Variants in PMFBP1 observed in about 807,000 individuals in gnomAD.
The protein encoded by PMFBP1 is polyamine-modulated factor 1-binding protein 1.
PMFBP1 carries 131 observed loss-of-function variants against 137.8 expected under a neutral mutation model. The observed-to-expected ratio is 0.95, with a 90% CI of 0.82 to 1.10. The LOEUF (loss-of-function observed/expected upper bound fraction) is 1.10. PMFBP1 is among the 50% of genes least tolerant of loss of function. PMFBP1 has a pLI of 0.00. For missense variants in PMFBP1, 1,199 were observed against 1,175.4 expected (o/e 1.02, Z -0.29); for synonymous variants, 490 against 450.4 (o/e 1.09, Z -1.11).
chr16:72,132,626 C>G, intron 10 of PMFBP1, 122 bp downstream of exon 10: 2 of 1,479,506 alleles, frequency 1.4e-6, no homozygotes, highest in Non-Finnish European at 1.8e-6. Context: ...CTGAGAAGGT[C>G]TGCAGTGAGA....
At chr16:72,242,653 T>C in the PMFBP1 span, among the ~76,000 whole-genome samples, 1 of 152,222 alleles carries the variant, frequency 6.6e-6, no homozygotes, top group Non-Finnish European at 1.5e-5. Flanking sequence ...GTTTCCGAAC[T>C]AGAACGTTCA....
At chr16:72,217,433 G>C in the PMFBP1 span, among the ~76,000 whole-genome samples, 1 of 152,088 alleles carries the variant, frequency 6.6e-6, no homozygotes, top group Non-Finnish European at 1.5e-5. Flanking sequence ...CTTCTTTGCT[G>C]AATCAGTTAA....
At position 72,119,374 on chromosome 16, in the gene PMFBP1, A is replaced by T. The variant is rs1286029751; in HGVS notation, c.3008-20T>A. ...AGGAACCTGAGGGAACAGGGAGGAA[A>T]TGAGAGTTTTGATTCGAGGAGAAAT... is the stretch of plus-strand genomic sequence containing the variant. On this transcript the variant is annotated intron_variant, in intron 20 of 20. Transcript: ENST00000237353. 6.2e-7 allele frequency: 1 copy of T among 1,613,912 alleles called. No individual in the cohort carries two copies. Among genetic ancestry groups the T allele is most frequent in the Non-Finnish European group, 8.5e-7 (1 of 1,179,936 alleles).
In PMFBP1 at chr16:72,119,901, A is replaced by G. The variant is rs868219663; in HGVS notation, c.2957T>C (p.Met986Thr). The change falls in exon 20 of 21, where the codon ATG becomes ACG. Residue 986 changes from methionine to threonine, a missense_variant. Met to Thr is a moderately conservative substitution (Grantham distance 81). Coordinates refer to ENST00000237353, the MANE Select transcript of PMFBP1 (RefSeq NM_031293.3). ...CTTGGTGAGGTCCATTCTTTGACCC[A>G]TATCCTGGGGCAACCCCTTCCAGCC... is the stretch of plus-strand genomic sequence containing the variant. ...TLGWKGLPQD[M>T]GQRMDLTKYI... The G allele has an allele frequency of 2.5e-6, 4 of 1,614,048 alleles. No homozygotes were observed. The highest frequency in any genetic ancestry group is 2.7e-5 in the African/African-American group (2 of 74,902).
intron 5 of PMFBP1, among the ~76,000 whole-genome samples, chr16:72,144,027 G>C (rs549289744): frequency 6.6e-6 from 1 of 151,798 alleles, no homozygotes; most frequent in African/African-American, 2.4e-5. Flanking sequence ...GGCAACAAGA[G>C]CGAAACTCCA....
the PMFBP1 span, among the ~76,000 whole-genome samples, chr16:72,226,340 A>C: frequency 6.6e-6 from 1 of 152,160 alleles, no homozygotes; most frequent in Non-Finnish European, 1.5e-5. Context: ...TATTCTCTTA[A>C]GCTAATGTGC....
At chr16:72,144,929 G>C (rs1049061383) in intron 5 of PMFBP1, among the ~76,000 whole-genome samples, 1 of 152,086 alleles carries the variant, frequency 6.6e-6, no homozygotes, top group Non-Finnish European at 1.5e-5. Context: ...TACAATAATA[G>C]TGGGAGACTT....
chr16:72,173,780 G>A (rs1456851908), upstream of PMFBP1: 1 of 152,264 alleles, frequency 6.6e-6, no homozygotes, highest in Non-Finnish European at 1.5e-5. Context: ...AGTGCTGTCT[G>A]ACTGAGGAGT....
chr16:72,187,141 A>C, the PMFBP1 span, among the ~76,000 whole-genome samples: 2 of 151,930 alleles, frequency 1.3e-5, no homozygotes. Flanking sequence ...TAAAAAAATA[A>C]TAAAAGCAAG....
chr16:72,201,674 C>T, the PMFBP1 span, among the ~76,000 whole-genome samples: 3 of 152,316 alleles, frequency 2.0e-5, no homozygotes, highest in East Asian at 1.9e-4. Flanking sequence ...TATTCAATCA[C>T]AACATTTACC....
chr16:72,126,284 T>C (rs2042457350), intron 14 of PMFBP1, 152 bp from the exon 15 acceptor site: 10 of 815,716 alleles, frequency 1.2e-5, no homozygotes, highest in Non-Finnish European at 1.5e-5. Context: ...ACTTCACCAC[T>C]GTAAAAGGTA....
At chr16:72,129,256 G>A in intron 12 of PMFBP1, 23 bp from the exon 13 acceptor site, 1 of 1,605,174 alleles carries the variant, frequency 6.2e-7, no homozygotes, top group Non-Finnish European at 8.5e-7. Context: ...AGACTGAGCT[G>A]AAAGACTGTC....
In PMFBP1 at chr16:72,130,630, C is replaced by T; in HGVS notation, c.1540G>A (p.Asp514Asn). The T allele has an allele frequency of 6.2e-7, 1 of 1,613,940 alleles. No homozygotes were observed. The highest frequency in any genetic ancestry group is 1.7e-5 in the Admixed American group (1 of 60,008). ...TGGATGGTGTCTGCCTTCTGCTTGT[C>T]CAGGAGGAGACCCTTCTGCAGTTTC... ...QRKLQKGLLLDKQKADTIQEL... is the reference protein window; with the variant it reads ...QRKLQKGLLLNKQKADTIQEL... The change falls in exon 11 of 21, where the codon GAC becomes AAC. Residue 514 changes from aspartate (D) to asparagine (N), a missense_variant. Asp to Asn is a conservative substitution (Grantham distance 23, BLOSUM62 1). Coordinates refer to ENST00000237353, the MANE Select transcript of PMFBP1 (RefSeq NM_031293.3).
intron 2 of PMFBP1, among the ~76,000 whole-genome samples, chr16:72,165,708 G>A (rs557112507): frequency 3.6e-4 from 55 of 152,122 alleles, no homozygotes; most frequent in East Asian, 2.7e-3. Context: ...ATGAGCCACC[G>A]TGCCTGGCCA....
upstream of PMFBP1, among the ~76,000 whole-genome samples, chr16:72,175,896 A>G (rs1021621495): frequency 6.6e-6 from 1 of 152,210 alleles, no homozygotes; most frequent in Admixed American, 6.5e-5. Context: ...CTTATTGTAT[A>G]CTAATTATTT....
chr16:72,139,007 T>C (rs776339533), intron 7 of PMFBP1, among the ~76,000 whole-genome samples: 3 of 151,694 alleles, frequency 2.0e-5, no homozygotes, highest in Non-Finnish European at 4.4e-5. Flanking sequence ...GGAGGCTAGA[T>C]GGTCCTTTTG....
chr16:72,213,420 T>A, the PMFBP1 span, among the ~76,000 whole-genome samples: 9 of 152,182 alleles, frequency 5.9e-5, no homozygotes, highest in Non-Finnish European at 1.3e-4. Flanking sequence ...CTTGCTCTGA[T>A]GAAGCCAGCC....
intron 3 of PMFBP1, among the ~76,000 whole-genome samples, chr16:72,160,892 G>C (rs191949429): frequency 6.6e-6 from 1 of 152,114 alleles, no homozygotes; most frequent in African/African-American, 2.4e-5. Flanking sequence ...CAAACTTTGA[G>C]CTGAATTGCA....
At chr16:72,164,182 G>T (rs1249388914) in intron 3 of PMFBP1, among the ~76,000 whole-genome samples, 1 of 152,174 alleles carries the variant, frequency 6.6e-6, no homozygotes, top group Non-Finnish European at 1.5e-5. Context: ...TAGGGAGAAA[G>T]GAAGGTGGGA....
Sources: gnomAD v4.1 joint callset for allele counts (sites outside exome capture counted in the v4.1 genomes callset) on GRCh38, gnomAD v4.1.1 for gene constraint, MANE v1.5 for transcripts, NCBI Gene and HGNC (gene_info 2026-07-23, HGNC 2026-07-21) for gene names.